MTDH: variants seen among roughly 807,000 people sequenced by gnomAD.
MTDH encodes the protein protein LYRIC.
MTDH carries 34 observed loss-of-function variants against 72.7 expected under a neutral mutation model. The ratio of observed to expected loss-of-function variants is 0.47; its 90% CI spans 0.36 to 0.62. MTDH has a LOEUF of 0.62. Among genes scored for constraint, MTDH ranks in the 20% least tolerant of loss-of-function variants. The pLI is 0.00. For missense variants in MTDH, 677 were observed against 699.4 expected (o/e 0.97, Z 0.36); for synonymous variants, 266 against 268.9 (o/e 0.99, Z 0.10).
In MTDH at chr8:97,713,416, C is replaced by T. The variant is rs78873691; in HGVS notation, c.1273-246C>T. On this transcript the variant is annotated intron_variant, in intron 8 of 11. Transcript: ENST00000336273. The stretch of plus-strand genomic sequence containing the variant: ...AGTTTTTAAAACACTAAAGTTTACA[C>T]AGCTCTCTACTTAGGTTGTAGTGAG... Among the ~76,000 whole-genome samples the T allele has an allele frequency of 3.3e-5, 5 of 152,272 alleles. No individual in the cohort carries two copies. In the East Asian group the frequency reaches 9.7e-4, roughly 29 times the overall value.
intron 8 of MTDH, 62 bp from the exon 9 acceptor site, chr8:97,713,600 T>A (rs182755494): frequency 5.4e-6 from 5 of 923,322 alleles, no homozygotes; most frequent in Non-Finnish European, 8.2e-6. Flanking sequence ...TTCATAATAA[T>A]TTTCTAAATA....
intron 1 of MTDH, among the ~76,000 whole-genome samples, chr8:97,648,879 C>G (rs1811661519): frequency 6.6e-6 from 1 of 152,126 alleles, no homozygotes; most frequent in Non-Finnish European, 1.5e-5. Context: ...ATACAGCTTA[C>G]TCCTATTATT....
chr8:97,716,354 C>A (rs564033301), intron 9 of MTDH, among the ~76,000 whole-genome samples: 1 of 152,076 alleles, frequency 6.6e-6, no homozygotes, highest in South Asian at 2.1e-4. Context: ...CCATTGCACT[C>A]CAGCCTGGGC....
At chr8:97,666,075 C>T (rs1325806353) in intron 2 of MTDH, among the ~76,000 whole-genome samples, 2 of 151,216 alleles carry the variant, frequency 1.3e-5, no homozygotes, top group Admixed American at 6.6e-5. Flanking sequence ...TTGCAGTGAG[C>T]CACGATTGTG....
intron 1 of MTDH, among the ~76,000 whole-genome samples, chr8:97,655,267 C>T (rs973952041): frequency 4.4e-4 from 67 of 152,108 alleles, no homozygotes; most frequent in African/African-American, 1.5e-3. Context: ...ACCTGTCTTC[C>T]TTTACTAGGT....
chr8:97,679,258 CTTT>C (rs1033309865), intron 2 of MTDH, among the ~76,000 whole-genome samples: 1 of 151,912 alleles, frequency 6.6e-6, no homozygotes, highest in African/African-American at 2.4e-5. Context: ...AAAATTTTGT[CTTT>C]TTAGTGAATT....
chr8:97,651,798 T>C (rs1011553484), intron 1 of MTDH, among the ~76,000 whole-genome samples: 1 of 152,188 alleles, frequency 6.6e-6, no homozygotes, highest in African/African-American at 2.4e-5. Context: ...TATCTCAAAC[T>C]TTTTAAAAAT....
chr8:97,652,315 GCGCC>G (rs1811805266), intron 1 of MTDH, among the ~76,000 whole-genome samples: 1 of 152,150 alleles, frequency 6.6e-6, no homozygotes, highest in Non-Finnish European at 1.5e-5. Context: ...TCACAACCCA[GCGCC>G]TTTACATGAG....
chr8:97,723,165 G>T (rs576696452), intron 11 of MTDH, 130 bp downstream of exon 11: 30 of 810,944 alleles, frequency 3.7e-5, no homozygotes, highest in Non-Finnish European at 5.3e-5. Flanking sequence ...TTGGGAGGCC[G>T]AGGCGGGCAG....
intron 1 of MTDH, among the ~76,000 whole-genome samples, chr8:97,652,540 T>C (rs1016572690): frequency 2.0e-5 from 3 of 152,216 alleles, no homozygotes; most frequent in African/African-American, 7.2e-5. Context: ...CCATTTACTT[T>C]TTTGGGTTCT....
chr8:97,692,542 A>T (rs1813655284), intron 6 of MTDH, among the ~76,000 whole-genome samples: 3 of 150,328 alleles, frequency 2.0e-5, no homozygotes, highest in South Asian at 2.1e-4. Flanking sequence ...TCAGCTAATT[A>T]TTTTTTTGTA....
At chr8:97,658,086 T>G (rs901447046) in intron 1 of MTDH, among the ~76,000 whole-genome samples, 1 of 152,164 alleles carries the variant, frequency 6.6e-6, no homozygotes, top group African/African-American at 2.4e-5. Flanking sequence ...ATATTGACTT[T>G]ACTTTTGGGA....
At chr8:97,685,709 G>A (rs1000628104) in intron 2 of MTDH, among the ~76,000 whole-genome samples, 44 of 150,536 alleles carry the variant, frequency 2.9e-4, no homozygotes, top group African/African-American at 8.1e-4. Flanking sequence ...ACAGTGAGCC[G>A]AGATCACGCC....
At chr8:97,700,936 A>C (rs1199090454) in intron 7 of MTDH, among the ~76,000 whole-genome samples, 1 of 152,154 alleles carries the variant, frequency 6.6e-6, no homozygotes, top group Non-Finnish European at 1.5e-5. Context: ...GGAGATGAGG[A>C]GAGAAAGATC....
chr8:97,677,570 C>T (rs1251954885), intron 2 of MTDH, among the ~76,000 whole-genome samples: 1 of 151,710 alleles, frequency 6.6e-6, no homozygotes, highest in Non-Finnish European at 1.5e-5. Flanking sequence ...CTATCAGCTA[C>T]ATCACCATGA....
At chr8:97,693,113 C>T (rs1033074999) in intron 6 of MTDH, among the ~76,000 whole-genome samples, 1 of 152,138 alleles carries the variant, frequency 6.6e-6, no homozygotes, top group East Asian at 1.9e-4. Flanking sequence ...TAATGCTCTA[C>T]TACATAGTGC....
At chr8:97,713,328 G>A (rs1025073031) in intron 8 of MTDH, among the ~76,000 whole-genome samples, 8 of 151,870 alleles carry the variant, frequency 5.3e-5, no homozygotes, top group Admixed American at 2.0e-4. Flanking sequence ...CTCGTGATCC[G>A]CCCGCCTCGG....
At chr8:97,647,398 C>T (rs555483344) in intron 1 of MTDH, among the ~76,000 whole-genome samples, 1 of 152,170 alleles carries the variant, frequency 6.6e-6, no homozygotes, top group Non-Finnish European at 1.5e-5. Flanking sequence ...CTCATCTCTA[C>T]AAAAAATTTA....
chr8:97,650,486 A>G (rs1811728335), intron 1 of MTDH, among the ~76,000 whole-genome samples: 1 of 151,680 alleles, frequency 6.6e-6, no homozygotes, highest in Non-Finnish European at 1.5e-5. Context: ...TGTTGCCTAG[A>G]CTGGTCTTGA....
Sources: gnomAD v4.1 joint callset for allele counts (sites outside exome capture counted in the v4.1 genomes callset) on GRCh38, gnomAD v4.1.1 for gene constraint, MANE v1.5 for transcripts, NCBI Gene and HGNC (gene_info 2026-07-23, HGNC 2026-07-21) for gene names.